KIRREL3: variants seen among roughly 807,000 people sequenced by gnomAD.
KIRREL3 encodes the protein kin of IRRE-like protein 3.
A neutral mutation model predicts 89.7 loss-of-function variants in KIRREL3; 36 were observed. The ratio of observed to expected loss-of-function variants is 0.40; its 90% confidence interval spans 0.31 to 0.53. The LOEUF (loss-of-function observed/expected upper bound fraction) is 0.53, where lower values mean the gene tolerates loss of function less well. Ranked by LOEUF, KIRREL3 falls within the 20% of genes least tolerant of loss-of-function variation. The pLI is 0.49. For missense variants in KIRREL3, 864 were observed against 1,056.6 expected (o/e 0.82, Z 2.53); for synonymous variants, 445 against 441.4 (o/e 1.01, Z -0.10).
chr11:126,975,940 C>T (rs1486210184), intron 1 of KIRREL3, among the ~76,000 whole-genome samples: 4 of 139,724 alleles, frequency 2.9e-5, no homozygotes, highest in Non-Finnish European at 6.2e-5. Flanking sequence ...CCCTCCCTCC[C>T]TTCCTTCCTT....
In KIRREL3 at chr11:126,900,310, G is replaced by T. The variant is rs112439681; in HGVS notation, c.55+100145C>A. Among the ~76,000 whole-genome samples the T allele has an allele frequency of 1.3e-5, 2 of 152,170 alleles. No individual in the cohort carries two copies. Among genetic ancestry groups the T allele is most frequent in the Admixed American group, 1.3e-4 (2 of 15,274 alleles). On this transcript the variant is annotated intron_variant, in intron 1 of 16. Transcript: ENST00000525144. The surrounding 1 kb of genome is among the most constrained non-coding windows in gnomAD (Gnocchi z 4.4). The stretch of plus-strand genomic sequence containing the variant: ...TCAGAGGAAAAGTGATTCAGATGGG[G>T]TTTAGAACTACTCAGAGTCTTCCTT...
chr11:126,950,049 C>T (rs1040515307), intron 1 of KIRREL3, among the ~76,000 whole-genome samples: 6 of 151,978 alleles, frequency 3.9e-5, no homozygotes, highest in Non-Finnish European at 5.9e-5. Flanking sequence ...TAAATGGAAA[C>T]CTAAGCATTA....
In KIRREL3 at chr11:126,912,277, C is replaced by T. The variant is rs1396773307; in HGVS notation, c.55+88178G>A. ...TCACCTTCAAGCAGGCTAAACCGGC[C>T]GAGAGTGGCTCTGAGGACCTGCAGG... On this transcript the variant is annotated intron_variant, in intron 1 of 16. Transcript: ENST00000525144. The surrounding 1 kb of genome is among the most constrained non-coding windows in gnomAD (Gnocchi z 4.7). 6.6e-6 allele frequency among the ~76,000 whole-genome samples: 1 copy of T among 152,110 alleles called. No individual in the cohort carries two copies. The highest frequency in any genetic ancestry group is 1.5e-5 in the Non-Finnish European group (1 of 68,036).
Position 126,776,416 on chromosome 11 carries a change from CT to C in KIRREL3, c.56-213505del, listed in dbSNP as rs1241763464. 6.6e-6 allele frequency among the ~76,000 whole-genome samples: 1 copy of C among 152,152 alleles called. No homozygotes were observed. The highest frequency in any genetic ancestry group is 2.4e-5 in the African/African-American group (1 of 41,440). ...AACCAGTTTCCCATTGGTAAATGTGCTGATGCCTCCTTCTCAGGGTGGCTGT... is the reference window on the plus strand; with the variant it reads ...AACCAGTTTCCCATTGGTAAATGTGCGATGCCTCCTTCTCAGGGTGGCTGT... On this transcript the variant is annotated intron_variant, in intron 1 of 16. Coordinates refer to ENST00000525144, the MANE Select transcript of KIRREL3 (RefSeq NM_032531.4). This position sits in a 1 kb window ranked among gnomAD's most constrained non-coding sequence, Gnocchi z 4.7.
rs1945059931 is a variant in KIRREL3, at chr11:126,870,127, A to G, written c.55+130328T>C. Among the ~76,000 whole-genome samples, 2 of 152,198 alleles carry G rather than the reference A, an allele frequency of 1.3e-5. No individual in the cohort carries two copies. The highest frequency in any genetic ancestry group is 4.1e-4 in the South Asian group (2 of 4,826). ...GGGCCCATGAGCACTGTGATTAATG[A>G]CCAGGAGTGAGTGTGGGCGAGTGTG... On this transcript the variant is annotated intron_variant, in intron 1 of 16. Transcript: ENST00000525144. The surrounding 1 kb of genome is among the most constrained non-coding windows in gnomAD (Gnocchi z 4.4).
chr11:126,644,912 G>A (rs1006013531), intron 1 of KIRREL3, among the ~76,000 whole-genome samples: 1 of 152,186 alleles, frequency 6.6e-6, no homozygotes, highest in Non-Finnish European at 1.5e-5. Flanking sequence ...CCTTTGACCA[G>A]CCCTCCTGAC....
At chr11:126,804,918 A>G (rs555240065) in intron 1 of KIRREL3, among the ~76,000 whole-genome samples, 15 of 152,244 alleles carry the variant, frequency 9.9e-5, no homozygotes, top group Admixed American at 2.6e-4. Context: ...TTGTTCCACA[A>G]TTTTTGGCTA....
At chr11:126,698,061 A>G (rs1253184941) in intron 1 of KIRREL3, among the ~76,000 whole-genome samples, 2 of 152,250 alleles carry the variant, frequency 1.3e-5, no homozygotes, top group African/African-American at 2.4e-5. Context: ...AGGAAATAGC[A>G]TTGTGAATGT....
chr11:126,440,360 T>C lies in KIRREL3; in HGVS notation c.1353+89A>G, dbSNP rs534967147. On this transcript the variant is annotated intron_variant, in intron 11 of 16. Coordinates refer to ENST00000525144, the MANE Select transcript of KIRREL3 (RefSeq NM_032531.4). ...GCAAGAAAGAGGAACCTCGGAGGTG[T>C]GCACCGCCTGGCTGGCCACCCAGGT... The C allele has an allele frequency of 8.3e-5, 93 of 1,115,598 alleles. No homozygotes were observed. The East Asian group carries it at 2.1e-3, about 25-fold the overall frequency. 69.1% of individuals were successfully genotyped at this position (1,115,598 alleles called of 1,614,324 possible). A position where few individuals can be genotyped will look rare whatever the true frequency, so the allele number is the denominator to read the frequency against.
intron 1 of KIRREL3, among the ~76,000 whole-genome samples, chr11:126,847,838 TTACTCGTGTTCTTAACTTATGGCAA>T (rs1355152882): frequency 6.6e-6 from 1 of 152,204 alleles, no homozygotes; most frequent in African/African-American, 2.4e-5. Flanking sequence ...AATTTGGAAG[TTACTCGTGTTCTTAACTTATGGCAA>T]TATAGTTATT....
In KIRREL3 at chr11:126,484,248, C is replaced by T. The variant is rs1957293248; in HGVS notation, c.434-10782G>A. On this transcript the variant is annotated intron_variant, in intron 4 of 16. Transcript: ENST00000525144. The surrounding 1 kb of genome is among the most constrained non-coding windows in gnomAD (Gnocchi z 5.2). ...GACTTGTGGACCTGTTTCAGGTTCC[C>T]TACAGTTGCAGGGTAGGAGTCCTGG... Among the ~76,000 whole-genome samples, 3 of 152,162 alleles carry T rather than the reference C, an allele frequency of 2.0e-5. No individual in the cohort carries two copies. The highest frequency in any genetic ancestry group is 2.9e-5 in the Non-Finnish European group (2 of 68,026).
chr11:126,755,347 T>C lies in KIRREL3; in HGVS notation c.56-192435A>G, dbSNP rs1005967009. 6.6e-6 allele frequency among the ~76,000 whole-genome samples: 1 copy of C among 152,086 alleles called. No individual in the cohort carries two copies. Among genetic ancestry groups the C allele is most frequent in the African/African-American group, 2.4e-5 (1 of 41,408 alleles). On this transcript the variant is annotated intron_variant, in intron 1 of 16. Transcript: ENST00000525144. The surrounding 1 kb of genome is among the most constrained non-coding windows in gnomAD (Gnocchi z 4.3). ...CATTATAATTTTAGCCATGAAGTCCTGAAGTGCAGGTAATCGTGTTTAAAA... is the reference window on the plus strand; with the variant it reads ...CATTATAATTTTAGCCATGAAGTCCCGAAGTGCAGGTAATCGTGTTTAAAA...
In KIRREL3 at chr11:126,471,420, A is replaced by G. The variant is rs1956889043; in HGVS notation, c.591+1889T>C. ...ATAAATAAAAAATAAAAAAAGAAAG[A>G]AAAAAAGAAAAGACAGTTTGCTACT... On this transcript the variant is annotated intron_variant, in intron 5 of 16. Coordinates refer to ENST00000525144, the MANE Select transcript of KIRREL3 (RefSeq NM_032531.4). This position sits in a 1 kb window ranked among gnomAD's most constrained non-coding sequence, Gnocchi z 5.4. 6.6e-6 allele frequency among the ~76,000 whole-genome samples: 1 copy of G among 151,958 alleles called. No individual in the cohort carries two copies. Among genetic ancestry groups the G allele is most frequent in the Admixed American group, 6.6e-5 (1 of 15,264 alleles).
chr11:126,919,547 C>A (rs920604997), intron 1 of KIRREL3, among the ~76,000 whole-genome samples: 1 of 152,212 alleles, frequency 6.6e-6, no homozygotes, highest in Non-Finnish European at 1.5e-5. Context: ...ACATCAGAGA[C>A]AAGCCTGATT....
rs549276974 is a variant in KIRREL3, at chr11:126,603,192, C to T, written c.56-40280G>A. On this transcript the variant is annotated intron_variant, in intron 1 of 16. Coordinates refer to ENST00000525144, the MANE Select transcript of KIRREL3 (RefSeq NM_032531.4). ...TGGGCCCCATGCCAGGGCAAGGATC[C>T]CAGGACTCCCTGTTTAGCATAGTAC... 3.1e-4 allele frequency among the ~76,000 whole-genome samples: 47 copies of T among 152,312 alleles called. No individual in the cohort carries two copies. In the South Asian group the frequency reaches 4.6e-3, roughly 15 times the overall value.
intron 2 of KIRREL3, among the ~76,000 whole-genome samples, chr11:126,542,311 T>C (rs960675736): frequency 6.6e-6 from 1 of 152,110 alleles, no homozygotes; most frequent in Non-Finnish European, 1.5e-5. Context: ...TGGGGCAACG[T>C]CCTGGGTTTC....
At chr11:126,466,111 C>T (rs1956715975) in intron 5 of KIRREL3, among the ~76,000 whole-genome samples, 1 of 152,178 alleles carries the variant, frequency 6.6e-6, no homozygotes. Context: ...ATTAGGCCCT[C>T]TGACTGCTCC....
At chr11:126,588,902 C>G (rs1316099616) in intron 1 of KIRREL3, among the ~76,000 whole-genome samples, 1 of 151,944 alleles carries the variant, frequency 6.6e-6, no homozygotes, top group African/African-American at 2.4e-5. Flanking sequence ...GGTGGGGGGA[C>G]CAGGGGAGAC....
chr11:126,534,636 G>A (rs1412400355), intron 2 of KIRREL3, among the ~76,000 whole-genome samples: 3 of 152,178 alleles, frequency 2.0e-5, no homozygotes, highest in East Asian at 1.9e-4. Context: ...TGCAGGGGCC[G>A]AGAGAGCACT....
Sources: gnomAD v4.1 joint callset for allele counts (sites outside exome capture counted in the v4.1 genomes callset) on GRCh38, gnomAD v4.1.1 for gene constraint, Gnocchi (gnomAD v3.1) non-coding constraint, MANE v1.5 for transcripts, NCBI Gene and HGNC (gene_info 2026-07-23, HGNC 2026-07-21) for gene names.